MB21D2: variants seen among roughly 807,000 people sequenced by gnomAD.
MB21D2 encodes Mab-21 domain containing 2, also known as nucleotidyltransferase MB21D2.
Under a neutral mutation model 33.3 loss-of-function variants are expected in MB21D2, and 9 were observed. That is an observed-to-expected ratio of 0.27 (90% CI 0.16 to 0.47). The LOEUF is 0.47. MB21D2 is among the 20% of genes least tolerant of loss of function. The probability of loss-of-function intolerance (pLI) is 0.99; values close to 1 mark genes in which losing one functional copy is unlikely to be tolerated. For missense variants in MB21D2, 540 were observed against 624.6 expected (o/e 0.86, Z 1.44); for synonymous variants, 241 against 236.3 (o/e 1.02, Z -0.18).
At chr3:192,873,755 T>C (rs1186843272) in intron 1 of MB21D2, among the ~76,000 whole-genome samples, 2 of 152,080 alleles carry the variant, frequency 1.3e-5, no homozygotes, top group Non-Finnish European at 2.9e-5. Context: ...CAGGCTGGAG[T>C]ACAGTGGGGA....
chr3:192,816,286 G>A (rs1711922916), intron 1 of MB21D2, among the ~76,000 whole-genome samples: 1 of 152,014 alleles, frequency 6.6e-6, no homozygotes, highest in Non-Finnish European at 1.5e-5. Context: ...CTACGATTGT[G>A]AGATGCAAAA....
intron 1 of MB21D2, among the ~76,000 whole-genome samples, chr3:192,885,152 C>T (rs867865530): frequency 7.2e-5 from 11 of 152,042 alleles, no homozygotes; most frequent in South Asian, 2.1e-4. Context: ...CTTCAGATAC[C>T]GGATGTGACT....
At chr3:192,898,967 G>A (rs1462361606) in intron 1 of MB21D2, among the ~76,000 whole-genome samples, 3 of 152,192 alleles carry the variant, frequency 2.0e-5, no homozygotes, top group Non-Finnish European at 4.4e-5. Flanking sequence ...GAACTGAAAG[G>A]CCAACGTGGT....
intron 1 of MB21D2, among the ~76,000 whole-genome samples, chr3:192,825,329 T>C (rs1291057552): frequency 2.0e-5 from 3 of 152,176 alleles, no homozygotes; most frequent in African/African-American, 7.2e-5. Context: ...CCTGGATAAA[T>C]GTGTGCGTAG....
intron 1 of MB21D2, among the ~76,000 whole-genome samples, chr3:192,886,306 G>C (rs1193415330): frequency 6.6e-6 from 1 of 152,104 alleles, no homozygotes; most frequent in Non-Finnish European, 1.5e-5. Context: ...GATGAGATGG[G>C]AGTATAAATA....
chr3:192,903,472 AG>A (rs1714144856), intron 1 of MB21D2, among the ~76,000 whole-genome samples: 2 of 152,148 alleles, frequency 1.3e-5, no homozygotes, highest in South Asian at 4.1e-4. Flanking sequence ...TTTTAAATGA[AG>A]GCTTGAAAAA....
chr3:192,863,528 T>C (rs890194813), intron 1 of MB21D2, among the ~76,000 whole-genome samples: 1 of 152,210 alleles, frequency 6.6e-6, no homozygotes, highest in South Asian at 2.1e-4. Context: ...CATACACTTA[T>C]TAAATATTTA....
rs534328894 is a variant in MB21D2 at position 192,891,121 on chromosome 3, A to G, written c.211+26509T>C. 1.4e-4 allele frequency among the ~76,000 whole-genome samples: 22 copies of G among 152,302 alleles called. 1 individual carries two copies. The South Asian group carries it at 3.5e-3, about 24-fold the overall frequency. ...AAGTTCTTATAGAAGTTTTCTGGTC[A>G]CATTAATTGGGTGAGTCATTTTATC... On this transcript the variant is annotated intron_variant, in intron 1 of 1. Transcript: ENST00000392452.
intron 1 of MB21D2, among the ~76,000 whole-genome samples, chr3:192,901,413 CAA>C (rs71635401): frequency 0.047 from 4,784 of 100,782 alleles, 97 homozygotes; most frequent in African/African-American, 0.082. Context: ...ACTAAAAATT[CAA>C]AAAAAAAAAA....
At chr3:192,884,157 C>T (rs1206967915) in intron 1 of MB21D2, among the ~76,000 whole-genome samples, 4 of 152,182 alleles carry the variant, frequency 2.6e-5, no homozygotes, top group Admixed American at 6.5e-5. Flanking sequence ...CCAGTGTTGA[C>T]GTGGTGATGT....
Position 192,853,018 on chromosome 3 carries a change from ATCTCTCTCTGTC to A in MB21D2, c.212-53380_212-53369del, listed in dbSNP as rs1396389644. Among the ~76,000 whole-genome samples the A allele has an allele frequency of 2.7e-3, 363 of 132,788 alleles. 1 individual carries two copies. The highest frequency in any genetic ancestry group is 9.5e-3 in the African/African-American group (344 of 36,042). 87.1% of individuals were successfully genotyped at this position (132,788 alleles called of 152,430 possible). On this transcript the variant is annotated intron_variant, in intron 1 of 1. Transcript: ENST00000392452. ...ACTGCCCTAAATCCAGTTTTCAGTT[ATCTCTCTCTGTC>A]TCTCTCTCTCTCTCTCTCTCTCTCT...
intron 1 of MB21D2, among the ~76,000 whole-genome samples, chr3:192,857,913 T>C (rs890398487): frequency 3.3e-5 from 5 of 152,116 alleles, no homozygotes; most frequent in Admixed American, 2.0e-4. Context: ...TCACCTGAGG[T>C]TGGGAGTTCG....
At chr3:192,855,458 T>C (rs1201546724) in intron 1 of MB21D2, among the ~76,000 whole-genome samples, 1 of 152,238 alleles carries the variant, frequency 6.6e-6, no homozygotes, top group East Asian at 1.9e-4. Context: ...GTACACTTAA[T>C]ACAGTATAGG....
At chr3:192,819,975 G>A (rs1712008327) in intron 1 of MB21D2, among the ~76,000 whole-genome samples, 1 of 152,110 alleles carries the variant, frequency 6.6e-6, no homozygotes, top group Non-Finnish European at 1.5e-5. Flanking sequence ...TCCCTACAAG[G>A]GGGTAGGGGA....
In MB21D2 at chr3:192,882,083, G is replaced by GCC. The variant is rs1450113570; in HGVS notation, c.211+35546_211+35547insGG. 7.8e-4 allele frequency among the ~76,000 whole-genome samples: 118 copies of GCC among 152,154 alleles called. 1 individual carries two copies. The highest frequency in any genetic ancestry group is 2.6e-3 in the African/African-American group (109 of 41,454). On this transcript the variant is annotated intron_variant, in intron 1 of 1. Coordinates refer to ENST00000392452, the MANE Select transcript of MB21D2 (RefSeq NM_178496.4). ...AGGGTCGTCTGTCTCATTCAGTTAT[G>GCC]TATGTCTAATGCCTAACCTAAGACT...
At chr3:192,915,214 C>T (rs1714436215) in intron 1 of MB21D2, among the ~76,000 whole-genome samples, 1 of 152,050 alleles carries the variant, frequency 6.6e-6, no homozygotes, top group Admixed American at 6.6e-5. Context: ...CTGGTACCAC[C>T]CAAGTAACAC....
At chr3:192,903,828 C>T (rs1212225362) in intron 1 of MB21D2, among the ~76,000 whole-genome samples, 3 of 152,310 alleles carry the variant, frequency 2.0e-5, no homozygotes, top group Admixed American at 1.3e-4. Context: ...AGTATGGGGG[C>T]ACCTTTTCCC....
At chr3:192,913,411 A>G (rs73198801) in intron 1 of MB21D2, among the ~76,000 whole-genome samples, 8,257 of 152,286 alleles carry the variant, frequency 0.054, 259 homozygotes, top group Non-Finnish European at 0.071. Flanking sequence ...TAAATAAATA[A>G]ACAAACATTT....
chr3:192,911,570 T>C (rs754432405), intron 1 of MB21D2, among the ~76,000 whole-genome samples: 5 of 152,198 alleles, frequency 3.3e-5, no homozygotes, highest in Admixed American at 1.3e-4. Context: ...TCGGATTCAA[T>C]AGGTCTGAAT....
Sources: gnomAD v4.1 joint callset for allele counts (sites outside exome capture counted in the v4.1 genomes callset) on GRCh38, gnomAD v4.1.1 for gene constraint, MANE v1.5 for transcripts, NCBI Gene and HGNC (gene_info 2026-07-23, HGNC 2026-07-21) for gene names.